Variants in FHIT observed in about 807,000 individuals in gnomAD.
The protein encoded by FHIT is fragile histidine triad diadenosine triphosphatase.
A neutral mutation model predicts 17.9 loss-of-function variants in FHIT; 19 were observed. That is an observed-to-expected ratio of 1.06 (90% CI 0.74 to 1.56). The LOEUF (loss-of-function observed/expected upper bound fraction) is 1.56. FHIT is among the 40% of genes most tolerant of loss of function. FHIT has a pLI of 0.00. For synonymous variants in FHIT, 81 were observed against 69.7 expected (o/e 1.16, Z -0.81); for missense variants, 248 against 189.2 (o/e 1.31, Z -1.82).
chr3:60,226,472 C>CAAAAAAAAAAAAAAAA lies in FHIT; in HGVS notation c.104-212336_104-212321dup, dbSNP rs1189100387. 4.6e-4 allele frequency among the ~76,000 whole-genome samples: 32 copies of CAAAAAAAAAAAAAAAA among 70,130 alleles called. 5 individuals are homozygous for CAAAAAAAAAAAAAAAA. The highest frequency in any genetic ancestry group is 8.1e-4 in the African/African-American group (14 of 17,280). The allele number at this position is 70,130 out of a possible 152,430, so 46.0% of individuals were successfully genotyped here. On this transcript the variant is annotated intron_variant, in intron 5 of 9. Transcript: ENST00000492590. ...GGGCAACAAGAGTGAAACTCCGTCT[C>CAAAAAAAAAAAAAAAA]AAAAAAAAAAAAAAAAAAAAAACAC...
rs138487482 is a variant in FHIT, at chr3:60,483,248, G to T, written c.103+53612C>A. On this transcript the variant is annotated intron_variant, in intron 5 of 9. Transcript: ENST00000492590. ...GATTCACAGCCAAATTCTACCAGAG[G>T]TACAAAGAGGAACTGGTGTCATTCC... is the stretch of plus-strand genomic sequence containing the variant. 2.1e-3 allele frequency among the ~76,000 whole-genome samples: 319 copies of T among 152,240 alleles called. 2 individuals carry two copies. Among genetic ancestry groups the T allele is most frequent in the African/African-American group, 7.4e-3 (309 of 41,550 alleles).
intron 5 of FHIT, among the ~76,000 whole-genome samples, chr3:60,099,937 C>G (rs928777762): frequency 6.6e-6 from 1 of 152,180 alleles, no homozygotes; most frequent in Non-Finnish European, 1.5e-5. Context: ...TCATGCTTCA[C>G]ACAGTAGAAG....
At chr3:60,182,841 T>A (rs1360877243) in intron 5 of FHIT, among the ~76,000 whole-genome samples, 5 of 150,756 alleles carry the variant, frequency 3.3e-5, no homozygotes, top group Admixed American at 3.3e-4. Context: ...CTCCTTTTAT[T>A]CTCTATAAAT....
chr3:60,715,424 G>A (rs181764146), intron 4 of FHIT, among the ~76,000 whole-genome samples: 2 of 152,080 alleles, frequency 1.3e-5, no homozygotes, highest in African/African-American at 4.8e-5. Context: ...TATACACCAT[G>A]GAATACCATG....
intron 5 of FHIT, among the ~76,000 whole-genome samples, chr3:60,123,965 AAAATATATATATATATATATATATAT>A (rs1487340783): frequency 9.2e-5 from 5 of 54,572 alleles, no homozygotes; most frequent in African/African-American, 1.7e-4. Flanking sequence ...AAATGCACTA[AAAATATATATATATATATATATATAT>A]ATATATATAT....
intron 5 of FHIT, among the ~76,000 whole-genome samples, chr3:60,132,150 G>T (rs1220465112): frequency 2.6e-5 from 4 of 152,058 alleles, no homozygotes; most frequent in Non-Finnish European, 4.4e-5. Context: ...CCCTTATTTA[G>T]TCTGACCCAA....
At position 60,863,314 on chromosome 3, in the gene FHIT, T is replaced by C. The variant is rs192347371; in HGVS notation, c.-110-41303A>G. Among the ~76,000 whole-genome samples, 197 of 152,296 alleles carry C rather than the reference T, an allele frequency of 1.3e-3. 1 individual carries two copies. The highest frequency in any genetic ancestry group is 4.6e-3 in the African/African-American group (192 of 41,574). ...GAACGAGTTTGGAAGTTGGTTTTTC[T>C]GCAGTCTCCAGTAAGAAACACAGCG... On this transcript the variant is annotated intron_variant, in intron 3 of 9. Transcript: ENST00000492590.
At chr3:60,760,276 G>A (rs1699601184) in intron 4 of FHIT, among the ~76,000 whole-genome samples, 1 of 152,174 alleles carries the variant, frequency 6.6e-6, no homozygotes, top group Non-Finnish European at 1.5e-5. Context: ...GGCCGAGGGT[G>A]GAAGCAGAAC....
intron 4 of FHIT, among the ~76,000 whole-genome samples, chr3:60,774,609 T>C (rs1700158288): frequency 6.6e-6 from 1 of 152,166 alleles, no homozygotes; most frequent in Non-Finnish European, 1.5e-5. Context: ...CAAAATTTAA[T>C]TTATAAATTA....
intron 7 of FHIT, among the ~76,000 whole-genome samples, chr3:59,994,315 C>G (rs561339860): frequency 2.6e-5 from 4 of 152,068 alleles, no homozygotes. Context: ...ACCACCAACC[C>G]GTTTAGGGAA....
chr3:60,242,069 C>T (rs570294934), intron 5 of FHIT, among the ~76,000 whole-genome samples: 2 of 151,842 alleles, frequency 1.3e-5, no homozygotes, highest in Admixed American at 1.3e-4. Context: ...TACACTAAAA[C>T]TTCATTGATT....
intron 8 of FHIT, among the ~76,000 whole-genome samples, chr3:59,774,507 C>G (rs1314937272): frequency 6.6e-6 from 1 of 152,178 alleles, no homozygotes; most frequent in Non-Finnish European, 1.5e-5. Context: ...ACATACCTAA[C>G]AGAGTTGTTA....
At position 60,037,720 on chromosome 3, in the gene FHIT, C is replaced by CTT. The variant is rs34077326; in HGVS notation, c.104-23570_104-23569dup. Among the ~76,000 whole-genome samples the CTT allele has an allele frequency of 4.5e-4, 66 of 146,122 alleles. 1 individual carries two copies. Among genetic ancestry groups the CTT allele is most frequent in the Middle Eastern group, 3.6e-3 (1 of 278 alleles). On this transcript the variant is annotated intron_variant, in intron 5 of 9. Coordinates refer to ENST00000492590, the MANE Select transcript of FHIT (RefSeq NM_002012.4). ...GTCTTAAAATTTGTACTCAGAACTACTTTTTTTTTTTGAGATGGAGTCTTG... is the reference window on the plus strand; with the variant it reads ...GTCTTAAAATTTGTACTCAGAACTACTTTTTTTTTTTTTGAGATGGAGTCTTG...
chr3:60,259,736 C>T (rs1356952430), intron 5 of FHIT, among the ~76,000 whole-genome samples: 1 of 152,076 alleles, frequency 6.6e-6, no homozygotes, highest in Non-Finnish European at 1.5e-5. Flanking sequence ...GGCTGCCCAA[C>T]TCAAAATCAT....
chr3:59,964,740 G>A (rs1262597637), intron 7 of FHIT, among the ~76,000 whole-genome samples: 2 of 152,070 alleles, frequency 1.3e-5, no homozygotes, highest in African/African-American at 2.4e-5. Context: ...TCATGATGCT[G>A]CACATAAATC....
intron 5 of FHIT, among the ~76,000 whole-genome samples, chr3:60,160,301 G>A (rs1163294240): frequency 2.0e-5 from 3 of 152,140 alleles, no homozygotes; most frequent in Admixed American, 1.3e-4. Context: ...TAGATGGAAC[G>A]CAGTTCTCCC....
chr3:60,974,497 T>C (rs1710155301), intron 3 of FHIT, among the ~76,000 whole-genome samples: 1 of 152,214 alleles, frequency 6.6e-6, no homozygotes, highest in African/African-American at 2.4e-5. Context: ...CACCACGTAA[T>C]GAAGACCTGC....
chr3:60,053,318 G>A (rs1460886347), intron 5 of FHIT, among the ~76,000 whole-genome samples: 1 of 150,128 alleles, frequency 6.7e-6, no homozygotes, highest in Admixed American at 6.7e-5. Context: ...CTTCTAAACT[G>A]TTGCCCTCAC....
At chr3:59,879,937 C>T (rs1271618323) in intron 8 of FHIT, among the ~76,000 whole-genome samples, 2 of 132,502 alleles carry the variant, frequency 1.5e-5, no homozygotes, top group African/African-American at 2.9e-5. Context: ...CCCCCCGCCC[C>T]TTAGCAACGT....
Sources: allele counts gnomAD v4.1 joint callset (sites outside exome capture counted in the v4.1 genomes callset), GRCh38; gene constraint gnomAD v4.1.1; transcripts MANE v1.5; gene names NCBI Gene and HGNC (gene_info 2026-07-23, HGNC 2026-07-21).